The following ZNF385D variants were observed in gnomAD, a reference collection of about 807,000 sequenced individuals.
The protein encoded by ZNF385D is zinc finger protein 385D, also known as zinc finger protein 659.
In ZNF385D, 15 loss-of-function variants were observed where a neutral mutation model predicts 35.8. The ratio of observed to expected loss-of-function variants is 0.42; its 90% confidence interval spans 0.28 to 0.64. The LOEUF is 0.64. Among genes scored for constraint, ZNF385D ranks in the 30% least tolerant of loss-of-function variants. The pLI, the probability that ZNF385D is intolerant of heterozygous loss-of-function variation, is 0.23. For missense variants in ZNF385D, 474 were observed against 494.6 expected, an observed-to-expected ratio of 0.96 and a Z score of 0.39; for synonymous variants, 212 against 186.8, an observed-to-expected ratio of 1.13 and a Z score of -1.10.
At chr3:21,883,356 T>G (rs1391152302) in intron 3 of ZNF385D, among the ~76,000 whole-genome samples, 2 of 151,958 alleles carry the variant, frequency 1.3e-5, no homozygotes, top group Non-Finnish European at 2.9e-5. Flanking sequence ...AAAATAAAAA[T>G]AAAACTAAAT....
chr3:21,949,633 T>C (rs1025148472), intron 3 of ZNF385D, among the ~76,000 whole-genome samples: 3 of 150,846 alleles, frequency 2.0e-5, no homozygotes, highest in African/African-American at 7.3e-5. Context: ...GGTATACAAG[T>C]GCCACTGTGG....
intron 3 of ZNF385D, among the ~76,000 whole-genome samples, chr3:21,956,574 C>A (rs1163971701): frequency 6.6e-6 from 1 of 151,928 alleles, no homozygotes; most frequent in East Asian, 1.9e-4. Context: ...TCCTGGCCAA[C>A]AGAGTGACAT....
chr3:21,708,699 C>T (rs1190578646), intron 1 of ZNF385D, among the ~76,000 whole-genome samples: 1 of 152,110 alleles, frequency 6.6e-6, no homozygotes, highest in Non-Finnish European at 1.5e-5. Context: ...ATTCTCCCCT[C>T]ATTCTAATAT....
At chr3:22,026,551 G>T (rs956439067) in intron 3 of ZNF385D, among the ~76,000 whole-genome samples, 1 of 152,168 alleles carries the variant, frequency 6.6e-6, no homozygotes, top group East Asian at 1.9e-4. Context: ...TTTTAGCTCA[G>T]GTCCTACTTA....
At chr3:21,975,858 C>T (rs1703585036) in intron 3 of ZNF385D, among the ~76,000 whole-genome samples, 1 of 151,558 alleles carries the variant, frequency 6.6e-6, no homozygotes, top group African/African-American at 2.4e-5. Context: ...AATACCTGTT[C>T]TTCCATTGAG....
intron 3 of ZNF385D, among the ~76,000 whole-genome samples, chr3:21,861,178 T>C (rs1697033105): frequency 6.6e-6 from 1 of 152,140 alleles, no homozygotes; most frequent in Non-Finnish European, 1.5e-5. Flanking sequence ...AGCTTTGGTG[T>C]ATCTGGGAAG....
At chr3:22,280,348 A>C (rs1249448520) in intron 2 of ZNF385D, among the ~76,000 whole-genome samples, 1 of 148,698 alleles carries the variant, frequency 6.7e-6, no homozygotes, top group African/African-American at 2.5e-5. Flanking sequence ...GTCTTTGCCT[A>C]AGCCATTGTC....
At chr3:21,956,970 G>C (rs4478097) in intron 3 of ZNF385D, among the ~76,000 whole-genome samples, 103,810 of 151,566 alleles carry the variant, frequency 0.68, 36,656 homozygotes, top group Non-Finnish European at 0.77. Flanking sequence ...CCAGAATTCC[G>C]ACGTGTTGTG....
intron 4 of ZNF385D, among the ~76,000 whole-genome samples, chr3:21,453,963 A>G (rs1481527971): frequency 1.3e-5 from 2 of 152,112 alleles, no homozygotes; most frequent in Non-Finnish European, 2.9e-5. Flanking sequence ...CCCAAATGGA[A>G]GAGTGGATAA....
chr3:22,249,540 A>G (rs575313324), intron 2 of ZNF385D, among the ~76,000 whole-genome samples: 1 of 152,214 alleles, frequency 6.6e-6, no homozygotes, highest in African/African-American at 2.4e-5. Context: ...TTATGTAAAC[A>G]GAACAGTGCA....
chr3:22,273,152 G>A (rs1206407619), intron 2 of ZNF385D, among the ~76,000 whole-genome samples: 7 of 151,876 alleles, frequency 4.6e-5, no homozygotes, highest in African/African-American at 1.4e-4. Flanking sequence ...TGGACTAAAG[G>A]TAAACAAGAA....
chr3:21,930,727 G>A (rs189669550), intron 3 of ZNF385D, among the ~76,000 whole-genome samples: 6 of 152,228 alleles, frequency 3.9e-5, no homozygotes, highest in East Asian at 1.9e-4. Context: ...TGAGAGGAAT[G>A]ATAGTCTTCC....
chr3:22,340,005 C>T (rs907637566), intron 2 of ZNF385D, among the ~76,000 whole-genome samples: 2 of 152,150 alleles, frequency 1.3e-5, no homozygotes. Flanking sequence ...CAGTCATGTA[C>T]TCATACTTAT....
intron 2 of ZNF385D, among the ~76,000 whole-genome samples, chr3:22,307,669 G>A (rs1703304014): frequency 6.6e-6 from 1 of 151,444 alleles, no homozygotes; most frequent in African/African-American, 2.4e-5. Flanking sequence ...GTGGCAAGAG[G>A]TAAGATATTT....
intron 1 of ZNF385D, among the ~76,000 whole-genome samples, chr3:21,694,377 C>T (rs921912354): frequency 6.6e-6 from 1 of 152,038 alleles, no homozygotes; most frequent in Non-Finnish European, 1.5e-5. Context: ...AAGAAGGGCT[C>T]ATAGGACAAA....
chr3:22,033,488 T>A (rs75480352), intron 3 of ZNF385D, among the ~76,000 whole-genome samples: 11,181 of 150,928 alleles, frequency 0.074, 444 homozygotes, highest in East Asian at 0.16. Context: ...ACCAGGGAAA[T>A]CTTTTTGAAG....
chr3:22,101,000 C>T (rs186109702), intron 3 of ZNF385D, among the ~76,000 whole-genome samples: 170 of 151,958 alleles, frequency 1.1e-3, no homozygotes, highest in African/African-American at 3.3e-3. Flanking sequence ...GCAATACATG[C>T]GCCTGTTATA....
chr3:21,639,748 T>C (rs1248489966), intron 2 of ZNF385D, among the ~76,000 whole-genome samples: 2 of 151,996 alleles, frequency 1.3e-5, no homozygotes, highest in African/African-American at 4.8e-5. Context: ...TAAAAACCAA[T>C]TGTGTTATAA....
intron 3 of ZNF385D, among the ~76,000 whole-genome samples, chr3:22,103,440 G>C (rs1037471378): frequency 6.6e-6 from 1 of 151,970 alleles, no homozygotes; most frequent in Non-Finnish European, 1.5e-5. Flanking sequence ...TGCTACCCCA[G>C]GATGCCCTAG....
Sources: allele counts gnomAD v4.1 joint callset (sites outside exome capture counted in the v4.1 genomes callset), GRCh38; gene constraint gnomAD v4.1.1; transcripts MANE v1.5; gene names NCBI Gene and HGNC (gene_info 2026-07-23, HGNC 2026-07-21).